Variants in LDB2 observed in about 807,000 individuals in gnomAD.
LDB2 encodes LIM domain binding 2.
Under a neutral mutation model 44.3 loss-of-function variants are expected in LDB2, and 12 were observed. That is an observed-to-expected ratio of 0.27 (90% CI 0.17 to 0.44). The LOEUF is 0.44. Among genes scored for constraint, LDB2 ranks in the 20% least tolerant of loss-of-function variants. The pLI is 1.00. For missense variants in LDB2, 344 were observed against 473.5 expected, an observed-to-expected ratio of 0.73 and a Z score of 2.54; for synonymous variants, 164 against 174.8, an observed-to-expected ratio of 0.94 and a Z score of 0.49.
chr4:16,591,376 T>G (rs1718894750), intron 3 of LDB2, among the ~76,000 whole-genome samples: 1 of 152,172 alleles, frequency 6.6e-6, no homozygotes. Context: ...GCAGTCAAAT[T>G]GTCATGGGCC....
At chr4:16,850,647 GA>G (rs1256981297) in intron 1 of LDB2, among the ~76,000 whole-genome samples, 2 of 152,246 alleles carry the variant, frequency 1.3e-5, no homozygotes, top group African/African-American at 4.8e-5. Context: ...CTAACCCCTA[GA>G]ATGATAATCC....
intron 1 of LDB2, among the ~76,000 whole-genome samples, chr4:16,762,417 A>G (rs975705059): frequency 7.2e-5 from 11 of 152,212 alleles, no homozygotes; most frequent in African/African-American, 2.2e-4. Context: ...CTATGAAGAT[A>G]TACCCAAGAC....
At chr4:16,505,585 C>CTGAT (rs1719073320) in intron 7 of LDB2, among the ~76,000 whole-genome samples, 1 of 152,156 alleles carries the variant, frequency 6.6e-6, no homozygotes, top group South Asian at 2.1e-4. Context: ...TAGGCTGCCT[C>CTGAT]TGATTAGGGG....
intron 1 of LDB2, among the ~76,000 whole-genome samples, chr4:16,761,221 C>A (rs1355784019): frequency 6.6e-6 from 1 of 152,174 alleles, no homozygotes; most frequent in African/African-American, 2.4e-5. Context: ...TGCTCCAGTA[C>A]ACTCAGCAAA....
At chr4:16,629,383 G>GAGGT (rs1315313042) in intron 2 of LDB2, among the ~76,000 whole-genome samples, 1 of 152,128 alleles carries the variant, frequency 6.6e-6, no homozygotes, top group Non-Finnish European at 1.5e-5. Flanking sequence ...GGGGCCAACA[G>GAGGT]ACACCTAATA....
chr4:16,703,041 A>G (rs999240393), intron 2 of LDB2, among the ~76,000 whole-genome samples: 1 of 152,178 alleles, frequency 6.6e-6, no homozygotes, highest in Non-Finnish European at 1.5e-5. Flanking sequence ...TCTATACACA[A>G]CCAACCCTCA....
chr4:16,672,268 T>C (rs1217004287), intron 2 of LDB2, among the ~76,000 whole-genome samples: 2 of 152,212 alleles, frequency 1.3e-5, no homozygotes, highest in Non-Finnish European at 2.9e-5. Context: ...CCAATTCAGC[T>C]TGGATTCAGA....
chr4:16,755,020 CCTA>C (rs1400614421), intron 2 of LDB2, among the ~76,000 whole-genome samples: 2 of 152,126 alleles, frequency 1.3e-5, no homozygotes, highest in Non-Finnish European at 2.9e-5. Context: ...ACGTATCTCT[CCTA>C]GGAAGGAAGT....
intron 2 of LDB2, among the ~76,000 whole-genome samples, chr4:16,602,419 C>T (rs973456889): frequency 1.6e-4 from 24 of 152,060 alleles, no homozygotes; most frequent in Admixed American, 1.3e-4. Context: ...TAGTGTGCTA[C>T]GGTATCAGAA....
intron 2 of LDB2, among the ~76,000 whole-genome samples, chr4:16,660,971 G>A (rs953032003): frequency 6.6e-6 from 1 of 152,154 alleles, no homozygotes; most frequent in Admixed American, 6.5e-5. Context: ...GTTCACATGA[G>A]AGCAAAACTA....
At chr4:16,717,159 A>AAATAAT (rs140994016) in intron 2 of LDB2, among the ~76,000 whole-genome samples, 226 of 146,502 alleles carry the variant, frequency 1.5e-3, no homozygotes, top group African/African-American at 4.5e-3. Flanking sequence ...AGCTAATAGC[A>AAATAAT]AATAATAATA....
At chr4:16,590,159 T>C (rs1718413247) in intron 3 of LDB2, among the ~76,000 whole-genome samples, 2 of 152,152 alleles carry the variant, frequency 1.3e-5, no homozygotes, top group African/African-American at 4.8e-5. Context: ...TGGGAGGAGC[T>C]GGGCCTCCAT....
At chr4:16,601,569 G>A (rs981339994) in intron 2 of LDB2, among the ~76,000 whole-genome samples, 6 of 152,044 alleles carry the variant, frequency 3.9e-5, no homozygotes, top group African/African-American at 1.2e-4. Context: ...CCAAGCACAT[G>A]TTTTTAATTA....
chr4:16,671,689 G>A (rs1280360318), intron 2 of LDB2, among the ~76,000 whole-genome samples: 1 of 152,102 alleles, frequency 6.6e-6, no homozygotes, highest in Non-Finnish European at 1.5e-5. Context: ...GGATCATGGA[G>A]TCCCTTACTC....
intron 2 of LDB2, among the ~76,000 whole-genome samples, chr4:16,740,702 A>T (rs1648766959): frequency 6.6e-6 from 1 of 152,230 alleles, no homozygotes; most frequent in Non-Finnish European, 1.5e-5. Context: ...CATGTATATG[A>T]ATATACATTT....
chr4:16,688,465 G>T (rs1290065724), intron 2 of LDB2, among the ~76,000 whole-genome samples: 1 of 152,152 alleles, frequency 6.6e-6, no homozygotes, highest in Non-Finnish European at 1.5e-5. Flanking sequence ...CATAAGAAAT[G>T]ATAGATTCTT....
chr4:16,522,483 A>T (rs1218704526), intron 5 of LDB2, among the ~76,000 whole-genome samples: 1 of 152,196 alleles, frequency 6.6e-6, no homozygotes, highest in Non-Finnish European at 1.5e-5. Context: ...TTTACATTGT[A>T]TTAGGTATTA....
At chr4:16,824,173 CAAATGAAAAATTAAT>C (rs1782611736) in intron 1 of LDB2, among the ~76,000 whole-genome samples, 1 of 152,110 alleles carries the variant, frequency 6.6e-6, no homozygotes, top group African/African-American at 2.4e-5. Context: ...TTTTTAGACA[CAAATGAAAAATTAAT>C]AAGAGTTATT....
At chr4:16,727,030 G>A (rs1013154945) in intron 2 of LDB2, among the ~76,000 whole-genome samples, 6 of 152,178 alleles carry the variant, frequency 3.9e-5, no homozygotes, top group Non-Finnish European at 5.9e-5. Flanking sequence ...AAGGTGGCTT[G>A]ATGGTAAGTT....
Sources: allele counts gnomAD v4.1 joint callset (sites outside exome capture counted in the v4.1 genomes callset), GRCh38; gene constraint gnomAD v4.1.1; transcripts MANE v1.5; gene names NCBI Gene and HGNC (gene_info 2026-07-23, HGNC 2026-07-21).